CTNNA3: variants seen among roughly 807,000 people sequenced by gnomAD.
CTNNA3 encodes the protein catenin alpha 3, also known as catenin alpha-3.
A neutral mutation model predicts 95.7 loss-of-function variants in CTNNA3; 76 were observed. That is an observed-to-expected ratio of 0.79 (90% CI 0.66 to 0.96). CTNNA3 has a LOEUF of 0.96. Among genes scored for constraint, CTNNA3 ranks in the 40% least tolerant of loss-of-function variants. CTNNA3 has a pLI of 0.00. For missense variants in CTNNA3, 1,191 were observed against 1,089.8 expected (o/e 1.09, Z -1.31); for synonymous variants, 431 against 374.4 (o/e 1.15, Z -1.74).
At chr10:66,751,840 T>G (rs1839152879) in intron 9 of CTNNA3, among the ~76,000 whole-genome samples, 1 of 152,156 alleles carries the variant, frequency 6.6e-6, no homozygotes, top group Admixed American at 6.6e-5. Flanking sequence ...CAAAATAAGT[T>G]AAAAAGCTTA....
At chr10:66,840,362 TCTCTCTCTCTCACACA>T (rs1193124490) in intron 7 of CTNNA3, among the ~76,000 whole-genome samples, 377 of 98,458 alleles carry the variant, frequency 3.8e-3, no homozygotes, top group African/African-American at 0.017. Flanking sequence ...TCTCTCTCTC[TCTCTCTCTCTCACACA>T]CACACACACA....
At chr10:66,491,604 G>A (rs1839925905) in intron 11 of CTNNA3, among the ~76,000 whole-genome samples, 3 of 152,044 alleles carry the variant, frequency 2.0e-5, no homozygotes, top group African/African-American at 7.2e-5. Flanking sequence ...TTTTATTTCA[G>A]AATCCTTTTG....
At chr10:66,295,521 G>C (rs2091764093) in intron 12 of CTNNA3, among the ~76,000 whole-genome samples, 1 of 152,124 alleles carries the variant, frequency 6.6e-6, no homozygotes, top group Admixed American at 6.6e-5. Context: ...CACATGTAGG[G>C]GGCTGGGACA....
At chr10:66,625,578 G>A (rs781101542) in intron 9 of CTNNA3, among the ~76,000 whole-genome samples, 7 of 151,906 alleles carry the variant, frequency 4.6e-5, no homozygotes, top group Non-Finnish European at 7.4e-5. Flanking sequence ...TTGTAGAGAC[G>A]GGGTTTCGCC....
intron 15 of CTNNA3, among the ~76,000 whole-genome samples, chr10:66,062,001 T>TA (rs1305602408): frequency 6.6e-6 from 1 of 152,146 alleles, no homozygotes; most frequent in Non-Finnish European, 1.5e-5. Flanking sequence ...GTACAATGGG[T>TA]AGGTGCCCAA....
chr10:66,836,684 C>T (rs1842898224), intron 7 of CTNNA3, among the ~76,000 whole-genome samples: 1 of 152,014 alleles, frequency 6.6e-6, no homozygotes. Flanking sequence ...TAACCCAGTT[C>T]CTTTTTAAAT....
intron 7 of CTNNA3, among the ~76,000 whole-genome samples, chr10:67,027,726 G>A (rs1853481061): frequency 6.6e-6 from 1 of 152,036 alleles, no homozygotes; most frequent in South Asian, 2.1e-4. Context: ...ACCGTGCCCG[G>A]CTGACATTTT....
At chr10:66,126,316 T>C (rs1290413200) in intron 13 of CTNNA3, among the ~76,000 whole-genome samples, 2 of 152,196 alleles carry the variant, frequency 1.3e-5, no homozygotes, top group African/African-American at 4.8e-5. Flanking sequence ...GGTTTTTCAT[T>C]GTTAGAATAG....
chr10:67,333,152 G>C lies in CTNNA3; in HGVS notation c.580-113282C>G, dbSNP rs1461683789. ...CATGTTCATTTCCTTTGTTCTTCAA[G>C]TATTCATGGAATTAAAGAAACAGGA... is the stretch of plus-strand genomic sequence containing the variant. On this transcript the variant is annotated intron_variant, in intron 5 of 17. Coordinates refer to ENST00000433211, the MANE Select transcript of CTNNA3 (RefSeq NM_013266.4). Among the ~76,000 whole-genome samples, 3 of 152,128 alleles carry C rather than the reference G, an allele frequency of 2.0e-5. 1 individual carries two copies. The highest frequency in any genetic ancestry group is 2.9e-5 in the Non-Finnish European group (2 of 68,016).
At chr10:67,746,506 T>A (rs551923364) in intron 1 of CTNNA3, among the ~76,000 whole-genome samples, 25 of 151,668 alleles carry the variant, frequency 1.6e-4, no homozygotes, top group Non-Finnish European at 1.6e-4. Flanking sequence ...CCATGTTCTA[T>A]CATCAGGACT....
chr10:66,522,760 C>T (rs1841111427), intron 10 of CTNNA3, among the ~76,000 whole-genome samples: 1 of 139,260 alleles, frequency 7.2e-6, no homozygotes, highest in South Asian at 2.3e-4. Context: ...CAAACTAGAT[C>T]CTGTCCACGC....
At chr10:67,643,676 C>T (rs2133471496) in intron 2 of CTNNA3, among the ~76,000 whole-genome samples, 1 of 151,886 alleles carries the variant, frequency 6.6e-6, no homozygotes, top group African/African-American at 2.4e-5. Flanking sequence ...TAATGCTATC[C>T]CTCCCCTAGC....
At chr10:67,301,785 G>T (rs1275713591) in intron 5 of CTNNA3, among the ~76,000 whole-genome samples, 1 of 151,972 alleles carries the variant, frequency 6.6e-6, no homozygotes, top group Non-Finnish European at 1.5e-5. Context: ...TGGCTAACAC[G>T]GTGAAACCCC....
chr10:66,608,753 T>C (rs1020406965), intron 10 of CTNNA3, among the ~76,000 whole-genome samples: 1 of 152,128 alleles, frequency 6.6e-6, no homozygotes, highest in Admixed American at 6.6e-5. Context: ...AGGTTGAAAC[T>C]GGACCCCTTC....
chr10:66,582,159 G>C (rs1843211021), intron 10 of CTNNA3, among the ~76,000 whole-genome samples: 1 of 151,658 alleles, frequency 6.6e-6, no homozygotes. Context: ...TTTTAGGATT[G>C]ATTTTTCTAA....
At chr10:66,193,306 G>A (rs1014878343) in intron 13 of CTNNA3, among the ~76,000 whole-genome samples, 3 of 152,064 alleles carry the variant, frequency 2.0e-5, no homozygotes, top group East Asian at 1.9e-4. Context: ...AAAGGAGTCC[G>A]ACAATAAATA....
chr10:67,344,739 T>C (rs1842349007), intron 5 of CTNNA3, among the ~76,000 whole-genome samples: 2 of 152,142 alleles, frequency 1.3e-5, no homozygotes, highest in Non-Finnish European at 2.9e-5. Context: ...CTTCTCTCCT[T>C]TTTCTTACTC....
rs537151952 is a variant in CTNNA3 at position 67,181,284 on chromosome 10, C to T, written c.844-764G>A. ...TATTTCCAGCTATTAGAACCTGACA[C>T]GGTATTTTTAAGGTTTCCATTAGAC... On this transcript the variant is annotated intron_variant, in intron 6 of 17. Coordinates refer to ENST00000433211, the MANE Select transcript of CTNNA3 (RefSeq NM_013266.4). Among the ~76,000 whole-genome samples, 5 of 152,190 alleles carry T rather than the reference C, an allele frequency of 3.3e-5. No individual in the cohort carries two copies. In the South Asian group the frequency reaches 1.0e-3, roughly 32 times the overall value.
At position 66,094,601 on chromosome 10, in the gene CTNNA3, T is replaced by A. The variant is rs560909040; in HGVS notation, c.1977+8556A>T. Among the ~76,000 whole-genome samples, 5 of 152,236 alleles carry A rather than the reference T, an allele frequency of 3.3e-5. No individual in the cohort carries two copies. The South Asian group carries it at 8.3e-4, about 25-fold the overall frequency. ...CTTGAAAACGGCTTTCTCCAAGTTG[T>A]AAAACCATCTCCTGTTATAAAGAAA... On this transcript the variant is annotated intron_variant, in intron 14 of 17. Coordinates refer to ENST00000433211, the MANE Select transcript of CTNNA3 (RefSeq NM_013266.4).
Sources: allele counts gnomAD v4.1 joint callset (sites outside exome capture counted in the v4.1 genomes callset), GRCh38; gene constraint gnomAD v4.1.1; transcripts MANE v1.5; gene names NCBI Gene and HGNC (gene_info 2026-07-23, HGNC 2026-07-21).